LALBA: variants seen among roughly 807,000 people sequenced by gnomAD.
LALBA encodes alpha-lactalbumin.
In LALBA, 12 loss-of-function variants were observed where a neutral mutation model predicts 13.4. The observed-to-expected ratio is 0.89, with a 90% CI of 0.57 to 1.45. LALBA has a LOEUF of 1.45. Among genes scored for constraint, LALBA ranks in the 40% most tolerant of loss-of-function variants. The pLI, the probability that LALBA is intolerant of heterozygous loss-of-function variation, is 0.00. For synonymous variants in LALBA, 64 were observed against 61.0 expected (o/e 1.05, Z -0.23); for missense variants, 145 against 165.9 (o/e 0.87, Z 0.69).
chr12:48,567,784 C>T lies in LALBA; in HGVS notation c.*173G>A. 1 of 619,610 alleles carries T rather than the reference C, an allele frequency of 1.6e-6. No individual in the cohort carries two copies. The allele number at this position is 619,610 out of a possible 1,614,324, so 38.4% of individuals were successfully genotyped here. On this transcript the variant is annotated 3_prime_UTR_variant, in exon 4 of 4. Transcript: ENST00000301046. ...AGTAAGGGTCTAGAGCTCAGTGCAC[C>T]ACTCAGGCATCCCTGGAAAATAGTC...
Position 48,569,961 on chromosome 12 carries a change from C to T in LALBA, c.60G>A (p.Lys20=), listed in dbSNP as rs1938613702. The T allele has an allele frequency of 1.2e-6, 2 of 1,613,910 alleles. No homozygotes were observed. The highest frequency in any genetic ancestry group is 2.7e-5 in the African/African-American group (2 of 74,886). Residue 20 remains lysine (K), a synonymous_variant, in exon 1 of 4, where the codon AAG becomes AAA. Coordinates refer to ENST00000301046, the MANE Select transcript of LALBA (RefSeq NM_002289.3). ...GGGACAGCTCACATTTTGTGAATTG[C>T]TTGGCCAGGATGGCAGGGAACAGGA... ...VGILFPAILA[K]QFTKCELSQL...
upstream of LALBA, among the ~76,000 whole-genome samples, chr12:48,570,246 C>A (rs1226171734): frequency 6.6e-6 from 1 of 152,104 alleles, no homozygotes; most frequent in Non-Finnish European, 1.5e-5. Context: ...AGGTATTGTT[C>A]TCTGGCCAGA....
rs2137134555 is a variant in LALBA at position 48,569,880 on chromosome 12, G to A, written c.133+8C>T. The A allele has an allele frequency of 1.2e-6, 2 of 1,613,606 alleles. No individual in the cohort carries two copies. Among genetic ancestry groups the A allele is most frequent in the Non-Finnish European group, 1.7e-6 (2 of 1,179,672 alleles). On this transcript the variant is annotated splice_region_variant and intron_variant, in intron 1 of 3. Coordinates refer to ENST00000301046, the MANE Select transcript of LALBA (RefSeq NM_002289.3). ...GGAATGGATGAAACACAGAGGCAGG[G>A]AACTCACATTCAGGCAAAGCGATGC...
At position 48,568,517 on chromosome 12, in the gene LALBA, C is replaced by T; in HGVS notation, c.368G>A (p.Trp123Ter). Reference protein sequence around the residue: ...KILDIKGIDYWLAHKALCTEK... With the variant: ...KILDIKGIDY ...AATAGAAAATAGAATAAGGATTCACCAGTAGTCAATTCCTTTAATATCCAG... is the reference window on the plus strand; with the variant it reads ...AATAGAAAATAGAATAAGGATTCACTAGTAGTCAATTCCTTTAATATCCAG... Residue 123 changes from tryptophan (W) to a stop codon, truncating the protein, a stop_gained and splice_region_variant, in exon 3 of 4, where the codon TGG becomes TAG. Transcript: ENST00000301046. LOFTEE classifies it high-confidence loss of function. The T allele has an allele frequency of 1.3e-6, 2 of 1,527,182 alleles. No homozygotes were observed. Among genetic ancestry groups the T allele is most frequent in the Non-Finnish European group, 1.8e-6 (2 of 1,101,780 alleles). The allele number at this position is 1,527,182 out of a possible 1,614,324, so 94.6% of individuals were successfully genotyped here.
chr12:48,568,519 G>A lies in LALBA; in HGVS notation c.366C>T (p.Tyr122=), dbSNP rs1378060541. 6.5e-7 allele frequency: 1 copy of A among 1,529,620 alleles called. No homozygotes were observed. The highest frequency in any genetic ancestry group is 1.4e-5 in the African/African-American group (1 of 73,316). 94.8% of individuals were successfully genotyped at this position (1,529,620 alleles called of 1,614,324 possible). A position where few individuals can be genotyped will look rare whatever the true frequency, so the allele number is the denominator to read the frequency against. The change falls in exon 3 of 4, where the codon TAC becomes TAT. Residue 122 remains tyrosine, a splice_region_variant and synonymous_variant. Coordinates refer to ENST00000301046, the MANE Select transcript of LALBA (RefSeq NM_002289.3). ...KKILDIKGID[Y]WLAHKALCTE... ...TAGAAAATAGAATAAGGATTCACCA[G>A]TAGTCAATTCCTTTAATATCCAGGA...
chr12:48,570,696 A>C (rs1289242689), upstream of LALBA, among the ~76,000 whole-genome samples: 2 of 152,184 alleles, frequency 1.3e-5, no homozygotes, highest in South Asian at 4.1e-4. Flanking sequence ...GTATGAAAGC[A>C]TCTAGGCCAG....
At chr12:48,570,672 T>A (rs559648333), upstream of LALBA, among the ~76,000 whole-genome samples, 1 of 152,042 alleles carries the variant, frequency 6.6e-6, no homozygotes, top group Non-Finnish European at 1.5e-5. Context: ...GGAAAATGCA[T>A]AATTGAAAAG....
chr12:48,569,069 A>G lies in LALBA; in HGVS notation c.292+13T>C. 2 of 1,601,560 alleles carry G rather than the reference A, an allele frequency of 1.2e-6. No homozygotes were observed. Among genetic ancestry groups the G allele is most frequent in the Non-Finnish European group, 1.7e-6 (2 of 1,176,066 alleles). ...CAGAAAAACAGAGAAAGAGGGTTAT[A>G]GGGGCTACTCACTGTCACAGGAGAT... On this transcript the variant is annotated intron_variant, in intron 2 of 3. Coordinates refer to ENST00000301046, the MANE Select transcript of LALBA (RefSeq NM_002289.3).
upstream of LALBA, among the ~76,000 whole-genome samples, chr12:48,571,446 G>A (rs188575577): frequency 7.0e-5 from 9 of 128,202 alleles, no homozygotes; most frequent in East Asian, 2.5e-4. Flanking sequence ...ATGCAGTGGC[G>A]CGATCTTGGC....
intron 3 of LALBA, 177 bp from the exon 4 acceptor site, chr12:48,568,194 G>A (rs1022348180): frequency 1.6e-6 from 1 of 637,476 alleles, no homozygotes; most frequent in Non-Finnish European, 2.8e-6. Flanking sequence ...CAAGAAAATT[G>A]TAGGGTTAAA....
intron 2 of LALBA, 130 bp downstream of exon 2, chr12:48,568,952 T>G (rs773944360): frequency 1.0e-5 from 8 of 784,924 alleles, no homozygotes; most frequent in African/African-American, 3.5e-5. Context: ...TACTGCCAAT[T>G]CAAGTCCCAC....
At chr12:48,569,015 A>T in intron 2 of LALBA, 67 bp downstream of exon 2, 1 of 1,393,438 alleles carries the variant, frequency 7.2e-7, no homozygotes, top group Non-Finnish European at 9.8e-7. Context: ...GCTTGGCACT[A>T]AAAAGGAGAT....
intron 1 of LALBA, 133 bp downstream of exon 1, chr12:48,569,755 A>G (rs2137134458): frequency 1.3e-6 from 1 of 774,382 alleles, no homozygotes; most frequent in Non-Finnish European, 2.1e-6. Flanking sequence ...CATGAAATAA[A>G]AGAGTATGCA....
intron 3 of LALBA, 82 bp from the exon 4 acceptor site, chr12:48,568,099 G>A (rs549329856): frequency 3.0e-5 from 32 of 1,084,290 alleles, no homozygotes; most frequent in Middle Eastern, 2.0e-4. Flanking sequence ...GTGGAAGAGC[G>A]TGGACGAGAA....
chr12:48,570,649 A>C (rs777218078), upstream of LALBA, among the ~76,000 whole-genome samples: 1 of 152,130 alleles, frequency 6.6e-6, no homozygotes, highest in East Asian at 1.9e-4. Flanking sequence ...GGATCTTAAG[A>C]CTTCCTACTT....
At position 48,568,935 on chromosome 12, in the gene LALBA, T is replaced by C. The variant is rs768273507; in HGVS notation, c.292+147A>G. ...ACCATGAAAAATCCAAACAGCTTCT[T>C]ACTCAGTACTGCCAATTCAAGTCCC... On this transcript the variant is annotated intron_variant, in intron 2 of 3. Coordinates refer to ENST00000301046, the MANE Select transcript of LALBA (RefSeq NM_002289.3). The C allele has an allele frequency of 3.6e-4, 247 of 688,546 alleles. 1 individual carries two copies. The highest frequency in any genetic ancestry group is 8.8e-5 in the Non-Finnish European group (36 of 407,738). 42.7% of individuals were successfully genotyped at this position (688,546 alleles called of 1,614,324 possible).
chr12:48,568,061 C>G, intron 3 of LALBA, 44 bp from the exon 4 acceptor site: 2 of 1,439,218 alleles, frequency 1.4e-6, no homozygotes, highest in Non-Finnish European at 1.9e-6. Flanking sequence ...CTGACTGAAT[C>G]TTTACATTCA....
In LALBA at chr12:48,567,882, A is replaced by G. The variant is rs1400917966; in HGVS notation, c.*75T>C. The G allele has an allele frequency of 4.0e-6, 5 of 1,242,806 alleles. No homozygotes were observed. Among genetic ancestry groups the G allele is most frequent in the Non-Finnish European group, 5.8e-6 (5 of 862,606 alleles). The allele number at this position is 1,242,806 out of a possible 1,614,324, so 77.0% of individuals were successfully genotyped here. A position where few individuals can be genotyped will look rare whatever the true frequency, so the allele number is the denominator to read the frequency against. On this transcript the variant is annotated 3_prime_UTR_variant, in exon 4 of 4. Coordinates refer to ENST00000301046, the MANE Select transcript of LALBA (RefSeq NM_002289.3). ...ATAAGCTTTGGGGGAACAGAAAGAA[A>G]CAAACTGAGGTGGCATTAGGGAAGA...
rs951315183 is a variant in LALBA at position 48,568,162 on chromosome 12, A to C, written c.369-145T>G. On this transcript the variant is annotated intron_variant, in intron 3 of 3. Coordinates refer to ENST00000301046, the MANE Select transcript of LALBA (RefSeq NM_002289.3). Reference sequence around the variant, plus strand: ...TCAAGCGACACAAGCCATCAAGTGGAATACAGTCCATAAAAAATATCCAAG... The same window carrying C: ...TCAAGCGACACAAGCCATCAAGTGGCATACAGTCCATAAAAAATATCCAAG... 7 of 671,172 alleles carry C rather than the reference A, an allele frequency of 1.0e-5. No individual in the cohort carries two copies. In the African/African-American group the frequency reaches 1.3e-4, roughly 12 times the overall value. The allele number at this position is 671,172 out of a possible 1,614,324, so 41.6% of individuals were successfully genotyped here. A position where few individuals can be genotyped will look rare whatever the true frequency, so the allele number is the denominator to read the frequency against.
Sources: allele counts gnomAD v4.1 joint callset (sites outside exome capture counted in the v4.1 genomes callset), GRCh38; gene constraint gnomAD v4.1.1; transcripts MANE v1.5; gene names NCBI Gene and HGNC (gene_info 2026-07-23, HGNC 2026-07-21).